Variants in CAMKK2 observed in about 807,000 individuals in gnomAD.
CAMKK2 encodes the protein calcium/calmodulin dependent protein kinase kinase 2.
CAMKK2 carries 30 observed loss-of-function variants against 67.2 expected under a neutral mutation model. That is an observed-to-expected ratio of 0.45 (90% CI 0.33 to 0.61). The LOEUF (loss-of-function observed/expected upper bound fraction) is 0.61. Ranked by LOEUF, CAMKK2 falls within the 20% of genes least tolerant of loss-of-function variation. The probability of loss-of-function intolerance (pLI) is 0.02; values close to 1 mark genes in which losing one functional copy is unlikely to be tolerated. For synonymous variants in CAMKK2, 322 were observed against 326.2 expected (o/e 0.99, Z 0.14); for missense variants, 643 against 802.0 (o/e 0.80, Z 2.39).
intron 7 of CAMKK2, among the ~76,000 whole-genome samples, chr12:121,258,930 C>G (rs1892897897): frequency 6.6e-6 from 1 of 151,582 alleles, no homozygotes; most frequent in Non-Finnish European, 1.5e-5. Flanking sequence ...GCAACCTCCG[C>G]CTCTCAGGTT....
chr12:121,249,764 G>A, intron 13 of CAMKK2, 23 bp downstream of exon 13: 1 of 1,606,088 alleles, frequency 6.2e-7, no homozygotes, highest in Non-Finnish European at 8.5e-7. Flanking sequence ...CCGAGCACGG[G>A]GCACAGGCTG....
intron 6 of CAMKK2, among the ~76,000 whole-genome samples, chr12:121,263,388 C>T (rs1023823295): frequency 1.3e-5 from 2 of 152,150 alleles, no homozygotes; most frequent in Admixed American, 6.5e-5. Context: ...TCATTATAAG[C>T]GCGAGCCAGT....
chr12:121,258,908 T>C (rs531591638), intron 7 of CAMKK2, among the ~76,000 whole-genome samples: 23 of 150,728 alleles, frequency 1.5e-4, no homozygotes, highest in Middle Eastern at 3.4e-3. Context: ...AGTGGCGCCA[T>C]CTTGGCTCAC....
At chr12:121,292,191 T>C (rs1900172482) in intron 1 of CAMKK2, among the ~76,000 whole-genome samples, 3 of 151,880 alleles carry the variant, frequency 2.0e-5, no homozygotes, top group African/African-American at 7.3e-5. Flanking sequence ...AGTGGCACGA[T>C]CTTGGCTCAA....
chr12:121,264,237 A>G (rs1894056639), intron 5 of CAMKK2, among the ~76,000 whole-genome samples: 1 of 152,256 alleles, frequency 6.6e-6, no homozygotes, highest in African/African-American at 2.4e-5. Context: ...AGTCTAGCTC[A>G]GCAATCTCAA....
intron 1 of CAMKK2, among the ~76,000 whole-genome samples, chr12:121,289,854 C>T (rs1190411155): frequency 6.7e-6 from 1 of 148,544 alleles, no homozygotes; most frequent in African/African-American, 2.5e-5. Context: ...GATCATGCTA[C>T]TGCACTCCAG....
At chr12:121,280,397 G>A (rs1290116805) in intron 1 of CAMKK2, among the ~76,000 whole-genome samples, 1 of 152,180 alleles carries the variant, frequency 6.6e-6, no homozygotes, top group Non-Finnish European at 1.5e-5. Context: ...AGGACCCTGT[G>A]ATAATTGCAT....
intron 1 of CAMKK2, among the ~76,000 whole-genome samples, chr12:121,289,552 G>A (rs1307615798): frequency 6.6e-6 from 1 of 152,172 alleles, no homozygotes; most frequent in Admixed American, 6.6e-5. Context: ...TAACCTGCCA[G>A]GGAAGGTGGA....
chr12:121,250,169 G>C, intron 11 of CAMKK2, 135 bp from the exon 12 acceptor site: 1 of 721,530 alleles, frequency 1.4e-6, no homozygotes, highest in Non-Finnish European at 2.4e-6. Context: ...GGGGCAAGCA[G>C]TTCCCATTCT....
chr12:121,257,821 G>A (rs1892648387), intron 7 of CAMKK2, among the ~76,000 whole-genome samples: 1 of 152,006 alleles, frequency 6.6e-6, no homozygotes, highest in South Asian at 2.1e-4. Flanking sequence ...TTCCTGCCTT[G>A]GTTATTTAAG....
chr12:121,295,097 G>C (rs575110433), intron 1 of CAMKK2, among the ~76,000 whole-genome samples: 1 of 152,174 alleles, frequency 6.6e-6, no homozygotes, highest in Non-Finnish European at 1.5e-5. Context: ...TTGAACCCGG[G>C]AGGCGGAGGT....
At chr12:121,260,170 G>C (rs1893146723) in intron 7 of CAMKK2, 149 bp downstream of exon 7, 1 of 637,678 alleles carries the variant, frequency 1.6e-6, no homozygotes, top group African/African-American at 1.9e-5. Flanking sequence ...CCAACCAGGG[G>C]TGTGGCCTCC....
At chr12:121,289,893 TA>T (rs34281997) in intron 1 of CAMKK2, among the ~76,000 whole-genome samples, 7,085 of 117,450 alleles carry the variant, frequency 0.06, 233 homozygotes, top group African/African-American at 0.12. Flanking sequence ...ACCCTGTCTT[TA>T]AAAAAAAAAA....
chr12:121,255,550 A>G lies in CAMKK2; in HGVS notation c.907T>C (p.Leu303=), dbSNP rs201321736. The change falls in exon 9 of 17, where the codon TTA becomes CTA. Residue 303 remains leucine (L), a splice_region_variant and synonymous_variant. Transcript: ENST00000404169. The part of the protein sequence containing the change: ...FQDLIKGIEY[L]HYQKIIHRDI... ...GAGCCCTCCCGCAGGCCCTGCTCAC[A>G]GTACTCGATGCCTTTGATCAGATCC... 50 of 1,609,564 alleles carry G rather than the reference A, an allele frequency of 3.1e-5. No homozygotes were observed. Among genetic ancestry groups the G allele is most frequent in the East Asian group, 4.5e-5 (2 of 44,758 alleles).
chr12:121,255,367 T>TATATATATA (rs1566060344), intron 9 of CAMKK2, among the ~76,000 whole-genome samples, 183 bp downstream of exon 9: 2 of 23,206 alleles, frequency 8.6e-5, no homozygotes, highest in Non-Finnish European at 1.5e-4. Context: ...TATATATAAT[T>TATATATATA]TTATATATAT....
chr12:121,276,690 A>G (rs1311822660), intron 1 of CAMKK2, among the ~76,000 whole-genome samples: 1 of 152,074 alleles, frequency 6.6e-6, no homozygotes, highest in Non-Finnish European at 1.5e-5. Context: ...TCTCTGGACC[A>G]TCCTGGCCAA....
intron 1 of CAMKK2, among the ~76,000 whole-genome samples, chr12:121,290,071 C>A (rs1367253065): frequency 6.6e-6 from 1 of 152,152 alleles, no homozygotes; most frequent in East Asian, 1.9e-4. Flanking sequence ...TTCTCTATGG[C>A]AGTCCCTAGT....
chr12:121,245,782 AC>A lies in CAMKK2; in HGVS notation c.1453-543del, dbSNP rs1211184594. On this transcript the variant is annotated intron_variant, in intron 14 of 16. Transcript: ENST00000404169. This position sits in a 1 kb window ranked among gnomAD's most constrained non-coding sequence, Gnocchi z 5.8. ...GTTTTGGGAATTCACAGAGCTTCTG[AC>A]TTTTTAAGCATTTGCTGCTAACAAG... 1.3e-5 allele frequency among the ~76,000 whole-genome samples: 2 copies of A among 152,236 alleles called. No homozygotes were observed. The highest frequency in any genetic ancestry group is 4.8e-5 in the African/African-American group (2 of 41,458).
intron 16 of CAMKK2, among the ~76,000 whole-genome samples, chr12:121,243,041 C>T (rs2668241): frequency 0.013 from 2,021 of 150,574 alleles, 42 homozygotes; most frequent in African/African-American, 0.046. Flanking sequence ...CGCGCCCAGC[C>T]TTTTTTTTTG....
Sources: allele counts gnomAD v4.1 joint callset (sites outside exome capture counted in the v4.1 genomes callset), GRCh38; gene constraint gnomAD v4.1.1; non-coding constraint Gnocchi (gnomAD v3.1); transcripts MANE v1.5; gene names NCBI Gene and HGNC (gene_info 2026-07-23, HGNC 2026-07-21).